Variants in DCHS1 observed in about 807,000 individuals in gnomAD.
DCHS1 encodes dachsous cadherin-related 1, also known as protocadherin-16.
Under a neutral mutation model 213.9 loss-of-function variants are expected in DCHS1, and 78 were observed. The ratio of observed to expected loss-of-function variants is 0.36; its 90% CI spans 0.30 to 0.44. The LOEUF (loss-of-function observed/expected upper bound fraction) is 0.44. Among genes scored for constraint, DCHS1 ranks in the 20% least tolerant of loss-of-function variants. DCHS1 has a pLI of 1.00. For missense variants in DCHS1, 3,946 were observed against 4,395.9 expected (o/e 0.90, Z 2.89); for synonymous variants, 1,828 against 1,873.7 (o/e 0.98, Z 0.63).
At position 6,633,026 on chromosome 11, in the gene DCHS1, G is replaced by A. The variant is rs1275052575; in HGVS notation, c.2486C>T (p.Ser829Leu). 1 of 1,609,740 alleles carries A rather than the reference G, an allele frequency of 6.2e-7. No homozygotes were observed. The change falls in exon 6 of 21, where the codon TCA becomes TTA. Residue 829 changes from serine to leucine, a missense_variant. Physicochemically the swap from Ser to Leu is moderately radical, Grantham distance 145. Around this residue, in one of 3 missense-constraint regions of DCHS1, gnomAD observed 3,384 missense variants for 3,780.1 expected, o/e 0.90. Coordinates refer to ENST00000299441, the MANE Select transcript of DCHS1 (RefSeq NM_003737.4). The part of the protein sequence containing the change: ...GRLAPVTLSL[S>L]GGDPRGLFSL... ...GAAGAGTCCTCGGGGATCCCCACCT[G>A]ATAGGGAAAGGGTCACAGGTGCCAA...
Position 6,622,706 on chromosome 11 carries a change from G to A in DCHS1, c.8970C>T (p.Gly2990=). The part of the protein sequence containing the change: ...PLASDSLQKL[G]REPPSPPPSE... The stretch of plus-strand genomic sequence containing the variant: ...AGGGTGGTGGACTAGGTGGCTCCCG[G>A]CCCAGTTTCTGCAGTGAGTCACTGG... The change falls in exon 21 of 21, where the codon GGC becomes GGT. Residue 2990 remains glycine, a synonymous_variant. Coordinates refer to ENST00000299441, the MANE Select transcript of DCHS1 (RefSeq NM_003737.4). The surrounding 1 kb of genome is among the most constrained non-coding windows in gnomAD (Gnocchi z 5.4). 6.3e-7 allele frequency: 1 copy of A among 1,592,006 alleles called. No homozygotes were observed. Among genetic ancestry groups the A allele is most frequent in the Admixed American group, 1.8e-5 (1 of 56,960 alleles).
chr11:6,632,149 C>A lies in DCHS1; in HGVS notation c.3363G>T (p.Gly1121=), dbSNP rs1855919964. The A allele has an allele frequency of 6.3e-7, 1 of 1,590,790 alleles. No homozygotes were observed. Residue 1121 remains glycine (G), a synonymous_variant, in exon 6 of 21, where the codon GGG becomes GGT. Transcript: ENST00000299441. This position sits in a 1 kb window ranked among gnomAD's most constrained non-coding sequence, Gnocchi z 5.9. ...FLAVAENQPP[G]TSVGRVFATD... is the part of the protein sequence containing the mutation. ...TGGCAAAGACTCGGCCCACGCTGGT[C>A]CCTGGGGGCTGGTTCTCAGCCACAG... is the stretch of plus-strand genomic sequence containing the variant.
At chr11:6,629,354 C>G in intron 12 of DCHS1, 98 bp downstream of exon 12, 1 of 1,487,456 alleles carries the variant, frequency 6.7e-7, no homozygotes. Flanking sequence ...TGGTAATAGG[C>G]AAAAACTTCT....
chr11:6,634,131 G>A lies in DCHS1; in HGVS notation c.1973C>T (p.Thr658Ile). 4 of 1,605,232 alleles carry A rather than the reference G, an allele frequency of 2.5e-6. No homozygotes were observed. The highest frequency in any genetic ancestry group is 3.4e-6 in the Non-Finnish European group (4 of 1,174,248). ...QGPSSFDFTV[T>I]AVDGGGLKSM... ...CTACTGACTTACCCCATCCACAGCT[G>A]TCACTGTGAAGTCAAAGCTTGAGGG... Residue 658 changes from threonine to isoleucine, a missense_variant, in exon 3 of 21, where the codon ACA becomes ATA. Around this residue, in one of 3 missense-constraint regions of DCHS1, gnomAD observed 3,384 missense variants for 3,780.1 expected, o/e 0.90. Transcript: ENST00000299441.
chr11:6,624,289 C>T lies in DCHS1; in HGVS notation c.7387G>A (p.Ala2463Thr), dbSNP rs771796832. Residue 2463 changes from alanine (A) to threonine (T), a missense_variant, in exon 21 of 21, where the codon GCA becomes ACA. Physicochemically the swap from Ala to Thr is moderately conservative, Grantham distance 58. This residue lies in a region of DCHS1 where 3,384 missense variants were observed against 3,780.1 expected (regional missense o/e 0.90). Transcript: ENST00000299441. ...EARDHGAPGRAARATVHVQLQ... is the reference protein window; with the variant it reads ...EARDHGAPGRTARATVHVQLQ... ...TGCACGTGCACTGTGGCTCGTGCTG[C>T]CCGGCCTGGAGCCCCGTGGTCTCGT... is the stretch of plus-strand genomic sequence containing the variant. The T allele has an allele frequency of 6.3e-7, 1 of 1,598,746 alleles. No homozygotes were observed. Among genetic ancestry groups the T allele is most frequent in the Non-Finnish European group, 8.5e-7 (1 of 1,173,680 alleles).
At chr11:6,633,159 T>C (rs1589957563) in intron 5 of DCHS1, 103 bp from the exon 6 acceptor site, 1 of 1,387,712 alleles carries the variant, frequency 7.2e-7, no homozygotes, top group East Asian at 2.4e-5. Flanking sequence ...CCCACACCCA[T>C]GCCTTTCAAA....
chr11:6,636,599 C>T (rs1204126866), intron 2 of DCHS1, among the ~76,000 whole-genome samples: 1 of 152,126 alleles, frequency 6.6e-6, no homozygotes, highest in East Asian at 1.9e-4. Context: ...CTCAGCCTCC[C>T]GAGTAGCTTG....
intron 1 of DCHS1, among the ~76,000 whole-genome samples, chr11:6,654,754 G>A (rs1205414745): frequency 6.6e-6 from 1 of 152,092 alleles, no homozygotes; most frequent in African/African-American, 2.4e-5. Context: ...TGTCCCTATG[G>A]GTATTTGAGA....
Position 6,626,528 on chromosome 11 carries a change from A to G in DCHS1, c.6364+24T>C, listed in dbSNP as rs1855806956. 6.2e-7 allele frequency: 1 copy of G among 1,612,744 alleles called. No homozygotes were observed. ...GCTTCCCCAGTAGCCTGTCCTGCAC[A>G]GAGCCCCTGCTCCTATTTCTTACCT... On this transcript the variant is annotated intron_variant, in intron 15 of 20. Coordinates refer to ENST00000299441, the MANE Select transcript of DCHS1 (RefSeq NM_003737.4). This position sits in a 1 kb window ranked among gnomAD's most constrained non-coding sequence, Gnocchi z 5.2.
chr11:6,631,874 T>A (rs1855913848), intron 6 of DCHS1, 65 bp from the exon 7 acceptor site: 2 of 1,466,562 alleles, frequency 1.4e-6, no homozygotes, highest in African/African-American at 2.8e-5. Context: ...GGCCTGCACC[T>A]AAGAAGCTGG....
rs1270835647 is a variant in DCHS1 at position 6,621,511 on chromosome 11, G to A, written c.*268C>T. The A allele has an allele frequency of 6.7e-6, 4 of 598,556 alleles. No homozygotes were observed. Among genetic ancestry groups the A allele is most frequent in the Non-Finnish European group, 1.2e-5 (4 of 322,138 alleles). 37.1% of individuals were successfully genotyped at this position (598,556 alleles called of 1,614,324 possible). A position where few individuals can be genotyped will look rare whatever the true frequency, so the allele number is the denominator to read the frequency against. The stretch of plus-strand genomic sequence containing the variant: ...CTCCATCTCAGGGTGCTGGTGCAGG[G>A]CAGGGATCCCTCACTGAGGAGAACC... On this transcript the variant is annotated 3_prime_UTR_variant, in exon 21 of 21. Coordinates refer to ENST00000299441, the MANE Select transcript of DCHS1 (RefSeq NM_003737.4).
Position 6,625,106 on chromosome 11 carries a change from T to A in DCHS1, c.7146+92A>T. On this transcript the variant is annotated intron_variant, in intron 19 of 20. Coordinates refer to ENST00000299441, the MANE Select transcript of DCHS1 (RefSeq NM_003737.4). The surrounding 1 kb of genome is among the most constrained non-coding windows in gnomAD (Gnocchi z 5.3). ...TCCCATTCCCAGATCAGCTCCAACG[T>A]CCAGCCCACCTCAGCAGCTGCTAGC... 1.3e-6 allele frequency: 2 copies of A among 1,505,078 alleles called. No individual in the cohort carries two copies. The allele number at this position is 1,505,078 out of a possible 1,614,324, so 93.2% of individuals were successfully genotyped here.
rs899729553 is a variant in DCHS1 at position 6,630,333 on chromosome 11, G to A, written c.4461C>T (p.Arg1487=). The change falls in exon 10 of 21, where the codon CGC becomes CGT. Residue 1487 remains arginine (R), a synonymous_variant. Coordinates refer to ENST00000299441, the MANE Select transcript of DCHS1 (RefSeq NM_003737.4). ...TGAGCGCCCCGGTGCGCGCGTCCAG[G>A]CGAAGCGCCGGCACGGGCGGCTCCT... is the stretch of plus-strand genomic sequence containing the variant. ...LRQEPPVPAL[R]LDARTGALSA... The A allele has an allele frequency of 2.3e-5, 30 of 1,318,018 alleles. No individual in the cohort carries two copies. The highest frequency in any genetic ancestry group is 2.8e-5 in the Non-Finnish European group (29 of 1,035,766). The allele number at this position is 1,318,018 out of a possible 1,614,324, so 81.6% of individuals were successfully genotyped here. A position where few individuals can be genotyped will look rare whatever the true frequency, so the allele number is the denominator to read the frequency against.
rs1255614720 is a variant in DCHS1, at chr11:6,622,774, C to T, written c.8902G>A (p.Ala2968Thr). 1.9e-6 allele frequency: 3 copies of T among 1,592,920 alleles called. No homozygotes were observed. Among genetic ancestry groups the T allele is most frequent in the South Asian group, 2.3e-5 (2 of 87,656 alleles). The change falls in exon 21 of 21, where the codon GCT becomes ACT. Residue 2968 changes from alanine (A) to threonine (T), a missense_variant. Physicochemically the swap from Ala to Thr is moderately conservative, Grantham distance 58. Transcript: ENST00000299441. This position sits in a 1 kb window ranked among gnomAD's most constrained non-coding sequence, Gnocchi z 5.4. Reference sequence around the variant, plus strand: ...GACATTGGGCCAGGGGCTGCCTCAGCCTTGCGGCTACGGGCCCGAACAAGT... The same window carrying T: ...GACATTGGGCCAGGGGCTGCCTCAGTCTTGCGGCTACGGGCCCGAACAAGT... ...LGLVRARSRK[A>T]EAAPGPMSQA...
Position 6,633,970 on chromosome 11 carries a change from A to G in DCHS1, c.2037T>C (p.Asn679=), listed in dbSNP as rs780858475. ...VYVKVFLSDE[N]DNPPQFYPRE... ...GTGGATAAAACTGAGGAGGGTTGTC[A>G]TTCTCGTCTGACAGAAACACCTTCA... The change falls in exon 4 of 21, where the codon AAT becomes AAC. Residue 679 remains asparagine, a synonymous_variant. Transcript: ENST00000299441. 1.1e-5 allele frequency: 18 copies of G among 1,613,914 alleles called. No homozygotes were observed. In the East Asian group the frequency reaches 3.1e-4, roughly 28 times the overall value.
intron 11 of DCHS1, 30 bp from the exon 12 acceptor site, chr11:6,629,607 G>T: frequency 6.2e-7 from 1 of 1,613,356 alleles, no homozygotes; most frequent in South Asian, 1.1e-5. Flanking sequence ...AGGGCGATCA[G>T]AGGGTAAAAA....
intron 1 of DCHS1, among the ~76,000 whole-genome samples, chr11:6,642,494 T>C (rs1856093887): frequency 6.6e-6 from 1 of 152,044 alleles, no homozygotes. Context: ...GACATCTAAA[T>C]AACTAGGTGC....
chr11:6,634,676 C>T (rs1855963563), intron 2 of DCHS1, among the ~76,000 whole-genome samples: 1 of 152,136 alleles, frequency 6.6e-6, no homozygotes, highest in South Asian at 2.1e-4. Context: ...CCATACAACA[C>T]ATCACAGCCT....
rs1433968661 is a variant in DCHS1, at chr11:6,641,733, C to T, written c.-120G>A. 31 of 1,440,166 alleles carry T rather than the reference C, an allele frequency of 2.2e-5. No individual in the cohort carries two copies. Among genetic ancestry groups the T allele is most frequent in the Non-Finnish European group, 2.6e-5 (29 of 1,099,406 alleles). The allele number at this position is 1,440,166 out of a possible 1,614,324, so 89.2% of individuals were successfully genotyped here. On this transcript the variant is annotated splice_region_variant and 5_prime_UTR_variant, in exon 2 of 21. Coordinates refer to ENST00000299441, the MANE Select transcript of DCHS1 (RefSeq NM_003737.4). This position sits in a 1 kb window ranked among gnomAD's most constrained non-coding sequence, Gnocchi z 7.1. ...CCTGGCTCCAGCTCAGGCTCCCTGA[C>T]CTGGGAGAAAACAGAAGGAAACGGG...
Sources: gnomAD v4.1 joint callset for allele counts (sites outside exome capture counted in the v4.1 genomes callset) on GRCh38, gnomAD v4.1.1 for gene constraint, gnomAD v4.1.1 regional missense constraint, Gnocchi (gnomAD v3.1) non-coding constraint, MANE v1.5 for transcripts, NCBI Gene and HGNC (gene_info 2026-07-23, HGNC 2026-07-21) for gene names.